ATAD3C: variants seen among roughly 807,000 people sequenced by gnomAD.
ATAD3C encodes the protein ATPase family AAA domain-containing protein 3C.
A neutral mutation model predicts 46.3 loss-of-function variants in ATAD3C; 38 were observed. The observed-to-expected ratio is 0.82, with a 90% CI of 0.63 to 1.08. ATAD3C has a LOEUF of 1.08. Among genes scored for constraint, ATAD3C ranks in the 50% least tolerant of loss-of-function variants. The probability of loss-of-function intolerance (pLI) is 0.00; values close to 1 mark genes in which losing one functional copy is unlikely to be tolerated. For missense variants in ATAD3C, 563 were observed against 572.7 expected (o/e 0.98, Z 0.17); for synonymous variants, 220 against 236.4 (o/e 0.93, Z 0.63).
intron 11 of ATAD3C, among the ~76,000 whole-genome samples, chr1:1,466,952 G>A (rs1039856901): frequency 6.6e-6 from 1 of 151,974 alleles, no homozygotes; most frequent in African/African-American, 2.4e-5. Context: ...AATGTTTTGT[G>A]AATTCACATG....
At chr1:1,465,342 A>G (rs1639128552) in intron 11 of ATAD3C, among the ~76,000 whole-genome samples, 1 of 151,562 alleles carries the variant, frequency 6.6e-6, no homozygotes, top group Non-Finnish European at 1.5e-5. Flanking sequence ...CTTTAATCCC[A>G]GCACTTTGGG....
rs565358416 is a variant in ATAD3C at position 1,460,790 on chromosome 1, G to T, written c.853G>T (p.Asp285Tyr). 13 of 1,612,186 alleles carry T rather than the reference G, an allele frequency of 8.1e-6. 2 individuals carry two copies. The Admixed American group carries it at 2.0e-4, about 25-fold the overall frequency. ...ILASCHPEQF[D>Y]WAINACIDVM... ...GGCCAGCTGCCACCCCGAGCAGTTCGACTGGGCCATCAATGCCTGCATCGA... is the reference window on the plus strand; with the variant it reads ...GGCCAGCTGCCACCCCGAGCAGTTCTACTGGGCCATCAATGCCTGCATCGA... The change falls in exon 10 of 12, where the codon GAC (aspartate) becomes TAC (tyrosine). Residue 285 changes from aspartate (D) to tyrosine (Y), a missense_variant. By Grantham distance (160) the Asp-to-Tyr change is radical (BLOSUM62 -3). Coordinates refer to ENST00000378785, the MANE Select transcript of ATAD3C (RefSeq NM_001039211.3).
chr1:1,468,658 T>C lies in ATAD3C; in HGVS notation c.*128T>C, dbSNP rs761631993. On this transcript the variant is annotated 3_prime_UTR_variant, in exon 12 of 12. Coordinates refer to ENST00000378785, the MANE Select transcript of ATAD3C (RefSeq NM_001039211.3). ...CACGGGGGCCGCACCGCTGTGTCTA[T>C]TGGCTGACACGGGGCGGGGTTTGGG... 4 of 1,552,056 alleles carry C rather than the reference T, an allele frequency of 2.6e-6. No homozygotes were observed. Among genetic ancestry groups the C allele is most frequent in the Admixed American group, 3.8e-5 (2 of 52,988 alleles).
Position 1,462,787 on chromosome 1 carries a change from A to T in ATAD3C, c.1089+79A>T, listed in dbSNP as rs1220097969. On this transcript the variant is annotated intron_variant, in intron 11 of 11. Transcript: ENST00000378785. This position sits in a 1 kb window ranked among gnomAD's most constrained non-coding sequence, Gnocchi z 4.5. ...TGCTTGGTTGCGCCAGGCCTGTCCC[A>T]GCACCGGTGTCACGTGGGAGCTTCT... 45 of 1,465,282 alleles carry T rather than the reference A, an allele frequency of 3.1e-5. No homozygotes were observed. Among genetic ancestry groups the T allele is most frequent in the Non-Finnish European group, 3.9e-5 (42 of 1,074,726 alleles). The allele number at this position is 1,465,282 out of a possible 1,614,324, so 90.8% of individuals were successfully genotyped here.
At chr1:1,468,244 G>A (rs1166226865) in intron 11 of ATAD3C, 140 bp from the exon 12 acceptor site, 45 of 1,372,808 alleles carry the variant, frequency 3.3e-5, no homozygotes, top group South Asian at 2.4e-4. Context: ...GGGCTCTGCC[G>A]AGGTGCGGGT....
rs1189515435 is a variant in ATAD3C, at chr1:1,455,475, C to G, written c.394C>G (p.Leu132Val). ...TCCCCTCCAGCAGGTCAGCCGGCGG[C>G]TCCTCAGTCGACCCCAGGACGTGCT... is the stretch of plus-strand genomic sequence containing the variant. ...RHPIQQVSRR[L>V]LSRPQDVLEG... is the part of the protein sequence containing the mutation. Residue 132 changes from leucine (L) to valine (V), a missense_variant, in exon 5 of 12, where the codon CTC (leucine) becomes GTC (valine). By Grantham distance (32) the Leu-to-Val change is conservative. Around this residue, in one of 3 missense-constraint regions of ATAD3C, gnomAD observed 263 missense variants for 243.1 expected, o/e 1.08. Coordinates refer to ENST00000378785, the MANE Select transcript of ATAD3C (RefSeq NM_001039211.3). The G allele has an allele frequency of 6.2e-7, 1 of 1,612,428 alleles. No homozygotes were observed. The highest frequency in any genetic ancestry group is 1.3e-5 in the African/African-American group (1 of 74,826).
intron 11 of ATAD3C, among the ~76,000 whole-genome samples, chr1:1,463,613 C>G (rs1236242818): frequency 2.0e-5 from 3 of 151,974 alleles, no homozygotes; most frequent in African/African-American, 7.3e-5. Context: ...GTTTCCACAA[C>G]TAAGAAAGCA....
rs1191026313 is a variant in ATAD3C, at chr1:1,454,268, G to A, written c.223-77G>A. On this transcript the variant is annotated intron_variant, in intron 3 of 11. Transcript: ENST00000378785. ...CTCCCTCAGGCGGAGAGAGGGTGGG[G>A]GCAGCCCCGTGCGTCTCCTGCTCTA... 17 of 1,512,042 alleles carry A rather than the reference G, an allele frequency of 1.1e-5. 1 individual carries two copies. In the African/African-American group the frequency reaches 2.3e-4, roughly 21 times the overall value. 93.7% of individuals were successfully genotyped at this position (1,512,042 alleles called of 1,614,324 possible). A position where few individuals can be genotyped will look rare whatever the true frequency, so the allele number is the denominator to read the frequency against.
At chr1:1,455,707 A>G (rs1638947666) in intron 5 of ATAD3C, 84 bp from the exon 6 acceptor site, 3 of 1,588,392 alleles carry the variant, frequency 1.9e-6, no homozygotes, top group South Asian at 2.3e-5. Context: ...AGCGGAGTCC[A>G]CACCCAGGCA....
rs1248911650 is a variant in ATAD3C, at chr1:1,458,644, A to C, written c.742-517A>C. Among the ~76,000 whole-genome samples the C allele has an allele frequency of 1.5e-4, 22 of 151,564 alleles. 1 individual carries two copies. The highest frequency in any genetic ancestry group is 1.1e-3 in the Admixed American group (17 of 15,204). On this transcript the variant is annotated intron_variant, in intron 8 of 11. Transcript: ENST00000378785. ...CCCCTTGTTGCCCAGGCTGGGCTCG[A>C]ACTTCTGAGCTAAAGAGATGCTCTT... is the stretch of plus-strand genomic sequence containing the variant.
Position 1,469,864 on chromosome 1 carries a change from A to C in ATAD3C, c.*1334A>C, listed in dbSNP as rs888863154. ...GAAGCAACTGAAGATCCACAAAATA[A>C]GTGAAAAGAGCCTTAACTGATGACA... On this transcript the variant is annotated 3_prime_UTR_variant, in exon 12 of 12. Coordinates refer to ENST00000378785, the MANE Select transcript of ATAD3C (RefSeq NM_001039211.3). The C allele has an allele frequency of 1.3e-5, 2 of 151,930 alleles. No individual in the cohort carries two copies. Among genetic ancestry groups the C allele is most frequent in the African/African-American group, 2.4e-5 (1 of 41,324 alleles). 9.4% of individuals were successfully genotyped at this position (151,930 alleles called of 1,614,324 possible).
rs1214944743 is a variant in ATAD3C at position 1,457,607 on chromosome 1, A to C, written c.741+427A>C. Among the ~76,000 whole-genome samples the C allele has an allele frequency of 3.9e-4, 58 of 150,390 alleles. 1 individual carries two copies. The South Asian group carries it at 9.5e-3, about 25-fold the overall frequency. On this transcript the variant is annotated intron_variant, in intron 8 of 11. Coordinates refer to ENST00000378785, the MANE Select transcript of ATAD3C (RefSeq NM_001039211.3). ...CGAGACTTCATCTCAAAAAAAAAAA[A>C]AAAAAAACAAAAAAAACAGCATTTT...
chr1:1,455,241 A>C (rs1457632484), intron 4 of ATAD3C, among the ~76,000 whole-genome samples: 2 of 138,386 alleles, frequency 1.4e-5, no homozygotes, highest in South Asian at 2.3e-4. Flanking sequence ...AAAAAAAAAA[A>C]AACCCAGAAA....
Position 1,462,807 on chromosome 1 carries a change from G to C in ATAD3C, c.1089+99G>C, listed in dbSNP as rs1639090779. The C allele has an allele frequency of 3.6e-6, 5 of 1,401,782 alleles. No individual in the cohort carries two copies. Among genetic ancestry groups the C allele is most frequent in the Non-Finnish European group, 3.9e-6 (4 of 1,027,850 alleles). 86.8% of individuals were successfully genotyped at this position (1,401,782 alleles called of 1,614,324 possible). ...GTCCCAGCACCGGTGTCACGTGGGA[G>C]CTTCTGTTGAGGGGTTTTCAGTGCA... On this transcript the variant is annotated intron_variant, in intron 11 of 11. Transcript: ENST00000378785. The surrounding 1 kb of genome is among the most constrained non-coding windows in gnomAD (Gnocchi z 4.5).
At position 1,450,965 on chromosome 1, in the gene ATAD3C, G is replaced by A. The variant is rs1006282210; in HGVS notation, c.75+207G>A. 3.4e-4 allele frequency among the ~76,000 whole-genome samples: 51 copies of A among 152,162 alleles called. 2 individuals carry two copies. The highest frequency in any genetic ancestry group is 1.9e-4 in the African/African-American group (8 of 41,554). On this transcript the variant is annotated intron_variant, in intron 1 of 11. Coordinates refer to ENST00000378785, the MANE Select transcript of ATAD3C (RefSeq NM_001039211.3). ...GCAGAGCCGCCCGAGAGGGAGGGCC[G>A]GTGTTGGTGAGGGCGTCTGGTCGTC...
intron 10 of ATAD3C, among the ~76,000 whole-genome samples, chr1:1,461,244 GTGGCACGATCTCA>G (rs1639059712): frequency 2.0e-5 from 3 of 151,936 alleles, no homozygotes; most frequent in Non-Finnish European, 4.4e-5. Context: ...CTGGAGTGCA[GTGGCACGATCTCA>G]GCTGACTGCA....
At chr1:1,452,179 G>C (rs954570054) in intron 2 of ATAD3C, 57 bp downstream of exon 2, 4 of 1,600,410 alleles carry the variant, frequency 2.5e-6, no homozygotes, top group Non-Finnish European at 3.4e-6. Flanking sequence ...GGTGTGAGTC[G>C]CTGGTCCCAG....
At position 1,454,588 on chromosome 1, in the gene ATAD3C, G is replaced by A. The variant is rs568682829; in HGVS notation, c.378+88G>A. 25 of 1,489,828 alleles carry A rather than the reference G, an allele frequency of 1.7e-5. No individual in the cohort carries two copies. The African/African-American group carries it at 3.5e-4, about 21-fold the overall frequency. The allele number at this position is 1,489,828 out of a possible 1,614,324, so 92.3% of individuals were successfully genotyped here. A position where few individuals can be genotyped will look rare whatever the true frequency, so the allele number is the denominator to read the frequency against. ...GAGCACAGCCCACGCATATACTCCT[G>A]TCCCTTCCCTTTCCCCGGATAACAG... is the stretch of plus-strand genomic sequence containing the variant. On this transcript the variant is annotated intron_variant, in intron 4 of 11. Transcript: ENST00000378785.
chr1:1,458,500 G>A (rs749518510), intron 8 of ATAD3C, among the ~76,000 whole-genome samples: 8 of 151,242 alleles, frequency 5.3e-5, no homozygotes, highest in Non-Finnish European at 7.4e-5. Flanking sequence ...GGCTAGTCCC[G>A]AACTCCCGAC....
Sources: allele counts gnomAD v4.1 joint callset (sites outside exome capture counted in the v4.1 genomes callset), GRCh38; gene constraint gnomAD v4.1.1; regional missense constraint gnomAD v4.1.1; non-coding constraint Gnocchi (gnomAD v3.1); transcripts MANE v1.5; gene names NCBI Gene and HGNC (gene_info 2026-07-23, HGNC 2026-07-21).